Variants in GPHN observed in about 807,000 individuals in gnomAD.
GPHN encodes gephyrin.
In GPHN, 17 loss-of-function variants were observed where a neutral mutation model predicts 95.5. That is an observed-to-expected ratio of 0.18 (90% confidence interval 0.12 to 0.27). GPHN has a LOEUF of 0.27. Among genes scored for constraint, GPHN ranks in the 10% least tolerant of loss-of-function variants. The pLI, the probability that GPHN is intolerant of heterozygous loss-of-function variation, is 1.00. For missense variants in GPHN, 660 were observed against 978.1 expected (o/e 0.67, Z 4.34); for synonymous variants, 320 against 322.5 (o/e 0.99, Z 0.08).
At chr14:66,576,385 A>G (rs148069899) in intron 1 of GPHN, among the ~76,000 whole-genome samples, 1,839 of 152,024 alleles carry the variant, frequency 0.012, 18 homozygotes, top group Non-Finnish European at 0.018. Flanking sequence ...AGTATGGCAT[A>G]ATGGAAGGAG....
chr14:67,148,380 A>C (rs995856683), intron 18 of GPHN, among the ~76,000 whole-genome samples: 5 of 152,122 alleles, frequency 3.3e-5, no homozygotes, highest in African/African-American at 1.2e-4. Flanking sequence ...CAGTTACTAG[A>C]AACCAGGGCA....
chr14:67,320,212 A>G, the GPHN span: 1 of 1,600,198 alleles, frequency 6.2e-7, no homozygotes, highest in Non-Finnish European at 8.5e-7. Context: ...TGAAGAGCTT[A>G]ACTTTTTTTT....
At chr14:67,309,453 T>C in the GPHN span, among the ~76,000 whole-genome samples, 1 of 152,168 alleles carries the variant, frequency 6.6e-6, no homozygotes, top group Non-Finnish European at 1.5e-5. Flanking sequence ...AAGAGCTTTT[T>C]CTCTTAATTT....
At position 67,181,324 on chromosome 14, in the gene GPHN, G is replaced by A; in HGVS notation, c.*387G>A. ...TGTCTGCTTATTTATACTAGCGTAG[G>A]CAACACTTGGATTTCCCTTCTTAGT... On this transcript the variant is annotated 3_prime_UTR_variant, in exon 23 of 23. Transcript: ENST00000478722. 1 of 431,676 alleles carries A rather than the reference G, an allele frequency of 2.3e-6. No individual in the cohort carries two copies. The highest frequency in any genetic ancestry group is 4.4e-6 in the Non-Finnish European group (1 of 228,866). The allele number at this position is 431,676 out of a possible 1,614,324, so 26.7% of individuals were successfully genotyped here.
chr14:66,874,970 G>A (rs1478901377), intron 4 of GPHN, among the ~76,000 whole-genome samples: 3 of 152,116 alleles, frequency 2.0e-5, no homozygotes, highest in Non-Finnish European at 2.9e-5. Context: ...ATTCACCAAC[G>A]TTGGAATGAA....
chr14:67,319,610 TA>T, the GPHN span, among the ~76,000 whole-genome samples: 41,167 of 128,584 alleles, frequency 0.32, 9,108 homozygotes, highest in African/African-American at 0.63. Flanking sequence ...GCTGATGAGC[TA>T]AAAAAAAAAA....
At chr14:67,581,424 G>C in the GPHN span, among the ~76,000 whole-genome samples, 3 of 152,022 alleles carry the variant, frequency 2.0e-5, no homozygotes, top group Admixed American at 2.0e-4. Flanking sequence ...ACTCAGGGGG[G>C]CTGAGGTGGG....
chr14:66,683,097 A>G (rs2067041067), intron 2 of GPHN, among the ~76,000 whole-genome samples: 1 of 151,548 alleles, frequency 6.6e-6, no homozygotes, highest in Admixed American at 6.6e-5. Flanking sequence ...AAATATCTTA[A>G]TATAGCATCA....
chr14:67,311,310 CAAAAAA>C, the GPHN span, among the ~76,000 whole-genome samples: 2 of 63,954 alleles, frequency 3.1e-5, no homozygotes, highest in Admixed American at 3.1e-4. Flanking sequence ...GACTCCGTCT[CAAAAAA>C]AAAAAAAAAA....
At chr14:67,129,780 A>G (rs59586582) in intron 17 of GPHN, among the ~76,000 whole-genome samples, 22 of 106,772 alleles carry the variant, frequency 2.1e-4, no homozygotes, top group South Asian at 9.4e-4. Context: ...GAAAGAGAGA[A>G]AGAAAGAGAG....
At chr14:66,856,854 A>G (rs915340220) in intron 4 of GPHN, among the ~76,000 whole-genome samples, 7 of 152,152 alleles carry the variant, frequency 4.6e-5, no homozygotes, top group African/African-American at 1.4e-4. Context: ...GGTAAATCAC[A>G]AAAGATTATA....
the GPHN span, among the ~76,000 whole-genome samples, chr14:67,394,341 A>G: frequency 3.3e-5 from 5 of 151,998 alleles, no homozygotes; most frequent in African/African-American, 1.2e-4. Flanking sequence ...GGCTGCAGTG[A>G]GCCATGATCG....
chr14:67,154,087 C>A (rs762239681), intron 18 of GPHN, among the ~76,000 whole-genome samples: 11 of 152,228 alleles, frequency 7.2e-5, no homozygotes, highest in Non-Finnish European at 1.5e-4. Flanking sequence ...CTTCAAGGCC[C>A]TGCAACTCTG....
chr14:67,615,793 G>T, the GPHN span: 1 of 541,366 alleles, frequency 1.8e-6, no homozygotes. Flanking sequence ...CCTTTTTCTT[G>T]TTCTGTTCTG....
the GPHN span, among the ~76,000 whole-genome samples, chr14:67,214,882 A>G: frequency 0.23 from 35,061 of 151,382 alleles, 5,589 homozygotes; most frequent in East Asian, 0.44. Context: ...GGTCCTTCAC[A>G]TCCCTTGTAA....
At chr14:67,029,501 C>G (rs1172795065) in intron 10 of GPHN, among the ~76,000 whole-genome samples, 1 of 152,108 alleles carries the variant, frequency 6.6e-6, no homozygotes, top group African/African-American at 2.4e-5. Context: ...CCACACCCAG[C>G]TAATTTCGTA....
the GPHN span, among the ~76,000 whole-genome samples, chr14:67,257,883 T>C: frequency 1.3e-5 from 2 of 152,160 alleles, no homozygotes; most frequent in African/African-American, 2.4e-5. Flanking sequence ...GTACAACACA[T>C]ATGCAACACA....
chr14:66,529,660 C>T (rs984660938), intron 1 of GPHN, among the ~76,000 whole-genome samples: 14 of 152,142 alleles, frequency 9.2e-5, no homozygotes, highest in Admixed American at 9.2e-4. Flanking sequence ...GAGTGGACGT[C>T]CTTTTTGTTA....
At chr14:67,282,849 G>A in the GPHN span, among the ~76,000 whole-genome samples, 1 of 152,214 alleles carries the variant, frequency 6.6e-6, no homozygotes, top group Non-Finnish European at 1.5e-5. Flanking sequence ...GTTAGAGTGG[G>A]TTAAGCTAGA....
Sources: gnomAD v4.1 joint callset for allele counts (sites outside exome capture counted in the v4.1 genomes callset) on GRCh38, gnomAD v4.1.1 for gene constraint, MANE v1.5 for transcripts, NCBI Gene and HGNC (gene_info 2026-07-23, HGNC 2026-07-21) for gene names.